LECT2: variants seen among roughly 807,000 people sequenced by gnomAD.
LECT2 encodes leukocyte cell derived chemotaxin 2.
A neutral mutation model predicts 16.6 loss-of-function variants in LECT2; 11 were observed. That is an observed-to-expected ratio of 0.66 (90% CI 0.42 to 1.09). The LOEUF (loss-of-function observed/expected upper bound fraction) is 1.09, where lower values mean the gene tolerates loss of function less well. LECT2 is among the 50% of genes least tolerant of loss of function. The probability of loss-of-function intolerance (pLI) is 0.00; values close to 1 mark genes in which losing one functional copy is unlikely to be tolerated. For synonymous variants in LECT2, 54 were observed against 64.8 expected, an observed-to-expected ratio of 0.83 and a Z score of 0.80; for missense variants, 173 against 184.2, an observed-to-expected ratio of 0.94 and a Z score of 0.35.
At position 135,947,323 on chromosome 5, in the gene LECT2, CCTT is replaced by C; in HGVS notation, c.*5_*7del. 1 of 1,611,268 alleles carries C rather than the reference CCTT, an allele frequency of 6.2e-7. No individual in the cohort carries two copies. Among genetic ancestry groups the C allele is most frequent in the Middle Eastern group, 1.7e-4 (1 of 6,054 alleles). On this transcript the variant is annotated 3_prime_UTR_variant, in exon 4 of 4. Transcript: ENST00000274507. ...TTTATTTTGAAGATCTGACCATTGG[CCTT>C]CGATTTACAGGTATGCAGTAGGGTC...
rs1326492712 is a variant in LECT2 at position 135,946,924 on chromosome 5, T to C, written c.*407A>G. 6.5e-6 allele frequency: 1 copy of C among 153,508 alleles called. No individual in the cohort carries two copies. The highest frequency in any genetic ancestry group is 2.4e-5 in the African/African-American group (1 of 41,492). 9.5% of individuals were successfully genotyped at this position (153,508 alleles called of 1,614,324 possible). Reference sequence around the variant, plus strand: ...CTGGCCCAGCGTAAGTTCTCTTGTTTATTTATCTTAGATCTTCGGGACTGA... The same window carrying C: ...CTGGCCCAGCGTAAGTTCTCTTGTTCATTTATCTTAGATCTTCGGGACTGA... On this transcript the variant is annotated 3_prime_UTR_variant, in exon 4 of 4. Transcript: ENST00000274507.
At chr5:135,950,235 A>G (rs1404508371) in intron 3 of LECT2, among the ~76,000 whole-genome samples, 1 of 152,238 alleles carries the variant, frequency 6.6e-6, no homozygotes, top group Non-Finnish European at 1.5e-5. Context: ...AAGAATAGAT[A>G]AATAGATGAA....
At chr5:135,950,079 C>T (rs1763769316) in intron 3 of LECT2, among the ~76,000 whole-genome samples, 1 of 152,156 alleles carries the variant, frequency 6.6e-6, no homozygotes, top group South Asian at 2.1e-4. Flanking sequence ...CAAAAGATGC[C>T]TCTCACAGGC....
At chr5:135,948,729 C>G (rs1466296243) in intron 3 of LECT2, among the ~76,000 whole-genome samples, 1 of 150,676 alleles carries the variant, frequency 6.6e-6, no homozygotes, top group Non-Finnish European at 1.5e-5. Flanking sequence ...GGCTGGAGTG[C>G]AGTGGCGCGA....
intron 1 of LECT2, among the ~76,000 whole-genome samples, chr5:135,954,194 T>C (rs1763830850): frequency 6.6e-6 from 1 of 152,256 alleles, no homozygotes; most frequent in Non-Finnish European, 1.5e-5. Flanking sequence ...CTACAGAATA[T>C]GGCCATTAAG....
chr5:135,948,931 T>A (rs542160466), intron 3 of LECT2, among the ~76,000 whole-genome samples: 15 of 152,278 alleles, frequency 9.9e-5, no homozygotes, highest in Admixed American at 2.6e-4. Context: ...CACCTCGGCC[T>A]CCCAAAGTGC....
chr5:135,952,867 A>G lies in LECT2; in HGVS notation c.143+4T>C, dbSNP rs748619640. 2 of 1,608,684 alleles carry G rather than the reference A, an allele frequency of 1.2e-6. No homozygotes were observed. Among genetic ancestry groups the G allele is most frequent in the South Asian group, 2.2e-5 (2 of 90,910 alleles). ...GTTGGGTGGGTGGTTGTGCAACTTC[A>G]TACCTTTGAGCAGAGTACTGTCCAC... On this transcript the variant is annotated splice_donor_region_variant and intron_variant, in intron 2 of 3. Transcript: ENST00000274507.
At chr5:135,951,067 A>C (rs751685238) in intron 3 of LECT2, 156 bp downstream of exon 3, 27 of 719,446 alleles carry the variant, frequency 3.8e-5, no homozygotes, top group Non-Finnish European at 5.2e-5. Flanking sequence ...TTTTTAAAAA[A>C]TGCATCAGCT....
At chr5:135,948,698 G>A (rs1270960297) in intron 3 of LECT2, among the ~76,000 whole-genome samples, 3 of 147,742 alleles carry the variant, frequency 2.0e-5, no homozygotes, top group Non-Finnish European at 3.0e-5. Context: ...TTTTTGAGAC[G>A]GAGTCTTGCT....
In LECT2 at chr5:135,951,310, C is replaced by T. The variant is rs560184070; in HGVS notation, c.202G>A (p.Ala68Thr). Residue 68 changes from alanine (A) to threonine (T), a missense_variant, in exon 3 of 4, where the codon GCA (alanine) becomes ACA (threonine). Transcript: ENST00000274507. ...CCCACAATCATTCCAGTGAATGGTG[C>T]GTACACAGTAGATCCAGCAGAGCAC... ...ILCSAGSTVY[A>T]PFTGMIVGQE... The T allele has an allele frequency of 5.6e-6, 9 of 1,613,520 alleles. No homozygotes were observed. The highest frequency in any genetic ancestry group is 4.5e-5 in the East Asian group (2 of 44,876).
At chr5:135,954,374 C>A (rs1295440682) in intron 1 of LECT2, among the ~76,000 whole-genome samples, 1 of 152,180 alleles carries the variant, frequency 6.6e-6, no homozygotes, top group East Asian at 1.9e-4. Context: ...TTCACTTTTT[C>A]CTCCTTCGGT....
Position 135,948,889 on chromosome 5 carries a change from A to T in LECT2, c.290-1392T>A, listed in dbSNP as rs1006708732. Among the ~76,000 whole-genome samples the T allele has an allele frequency of 1.7e-3, 253 of 152,076 alleles. 2 individuals carry two copies. Among genetic ancestry groups the T allele is most frequent in the Middle Eastern group, 3.4e-3 (1 of 294 alleles). On this transcript the variant is annotated intron_variant, in intron 3 of 3. Coordinates refer to ENST00000274507, the MANE Select transcript of LECT2 (RefSeq NM_002302.3). Reference sequence around the variant, plus strand: ...ACGGGGTTTCACCGTGTTAGCCAGGATGGTCTCGATCTCCTGACCTCGTGA... The same window carrying T: ...ACGGGGTTTCACCGTGTTAGCCAGGTTGGTCTCGATCTCCTGACCTCGTGA...
intron 3 of LECT2, among the ~76,000 whole-genome samples, chr5:135,949,215 A>C (rs1763754508): frequency 6.6e-6 from 1 of 152,330 alleles, no homozygotes; most frequent in Admixed American, 6.5e-5. Flanking sequence ...TTAGTTCTCA[A>C]TTTGATCTGT....
intron 1 of LECT2, chr5:135,953,190 A>C: frequency 4.0e-6 from 2 of 494,246 alleles, no homozygotes; most frequent in South Asian, 2.7e-5. Flanking sequence ...GTGACGTTAG[A>C]GTATCAGTGA....
At position 135,951,350 on chromosome 5, in the gene LECT2, C is replaced by G; in HGVS notation, c.162G>C (p.Gln54His). 6.2e-7 allele frequency: 1 copy of G among 1,613,520 alleles called. No homozygotes were observed. The highest frequency in any genetic ancestry group is 8.5e-7 in the Non-Finnish European group (1 of 1,179,604). ...YSAQRSQRPH[Q>H]GVDILCSAGS... is the part of the protein sequence containing the mutation. Reference sequence around the variant, plus strand: ...CAGCAGAGCACAAGATGTCCACACCCTGGTGAGGCCTCTGACTTCTAGGAT... The same window carrying G: ...CAGCAGAGCACAAGATGTCCACACCGTGGTGAGGCCTCTGACTTCTAGGAT... Residue 54 changes from glutamine (Q) to histidine (H), a missense_variant, in exon 3 of 4, where the codon CAG becomes CAC. Gln to His is a conservative substitution (Grantham distance 24). Transcript: ENST00000274507.
Position 135,947,371 on chromosome 5 carries a change from A to G in LECT2, c.416T>C (p.Ile139Thr), listed in dbSNP as rs758702180. 20 of 1,614,072 alleles carry G rather than the reference A, an allele frequency of 1.2e-5. No individual in the cohort carries two copies. The highest frequency in any genetic ancestry group is 1.7e-5 in the Non-Finnish European group (20 of 1,179,944). ...VYPGIQSHVH[I>T]ENCDSSDPTA... The stretch of plus-strand genomic sequence containing the variant: ...AGGGTCACTCGAGTCACAGTTTTCA[A>G]TGTGCACATGCGATTGTATGCCAGG... The change falls in exon 4 of 4, where the codon ATT (isoleucine) becomes ACT (threonine). Residue 139 changes from isoleucine to threonine, a missense_variant. Transcript: ENST00000274507.
At chr5:135,951,514 ACT>A in intron 2 of LECT2, 146 bp from the exon 3 acceptor site, 1 of 684,256 alleles carries the variant, frequency 1.5e-6, no homozygotes, top group Non-Finnish European at 2.3e-6. Context: ...AGGATGCCTC[ACT>A]CTGTTTAGCC....
At chr5:135,951,862 C>T (rs1322122616) in intron 2 of LECT2, among the ~76,000 whole-genome samples, 1 of 152,118 alleles carries the variant, frequency 6.6e-6, no homozygotes, top group Non-Finnish European at 1.5e-5. Context: ...GTGATACCTC[C>T]TGGGTTTATT....
intron 1 of LECT2, among the ~76,000 whole-genome samples, chr5:135,953,475 C>A (rs1763823546): frequency 6.6e-6 from 1 of 152,216 alleles, no homozygotes; most frequent in South Asian, 2.1e-4. Flanking sequence ...GCAGGGATTA[C>A]AGGCGTGAGC....
Sources: allele counts gnomAD v4.1 joint callset (sites outside exome capture counted in the v4.1 genomes callset), GRCh38; gene constraint gnomAD v4.1.1; transcripts MANE v1.5; gene names NCBI Gene and HGNC (gene_info 2026-07-23, HGNC 2026-07-21).